Variants in FNBP1L observed in about 807,000 individuals in gnomAD.
FNBP1L encodes the protein formin-binding protein 1-like.
Under a neutral mutation model 91.2 loss-of-function variants are expected in FNBP1L, and 36 were observed. The observed-to-expected ratio is 0.39, with a 90% CI of 0.30 to 0.52. The LOEUF is 0.52. FNBP1L is among the 20% of genes least tolerant of loss of function. The pLI, the probability that FNBP1L is intolerant of heterozygous loss-of-function variation, is 0.66. For missense variants in FNBP1L, 571 were observed against 732.1 expected (o/e 0.78, Z 2.54); for synonymous variants, 242 against 237.0 (o/e 1.02, Z -0.19).
intron 2 of FNBP1L, among the ~76,000 whole-genome samples, chr1:93,501,958 GT>G (rs768409472): frequency 7.0e-4 from 106 of 151,836 alleles, no homozygotes; most frequent in Non-Finnish European, 1.3e-3. Context: ...AAAAAAAAAA[GT>G]TTCTGGTTGT....
chr1:93,488,186 T>G (rs1669971511), intron 1 of FNBP1L: 1 of 152,256 alleles, frequency 6.6e-6, no homozygotes. Flanking sequence ...GCTTTTACTC[T>G]GGACCAAACT....
intron 2 of FNBP1L, among the ~76,000 whole-genome samples, chr1:93,513,380 A>G (rs1266917572): frequency 1.3e-5 from 2 of 151,980 alleles, no homozygotes; most frequent in South Asian, 4.2e-4. Flanking sequence ...AACTATTCCA[A>G]TCAATAGAAA....
In FNBP1L at chr1:93,551,112, T is replaced by TTGAAGG; in HGVS notation, c.1810+7_1810+8insTGAAGG. 1 of 1,601,504 alleles carries TTGAAGG rather than the reference T, an allele frequency of 6.2e-7. No individual in the cohort carries two copies. Among genetic ancestry groups the TTGAAGG allele is most frequent in the Non-Finnish European group, 8.5e-7 (1 of 1,173,244 alleles). Reference sequence around the variant, plus strand: ...CTAGAGAAAAACAGTAAAGGTGCAGTAACTTATATCTAAACTAACCAGGCA... The same window carrying TTGAAGG: ...CTAGAGAAAAACAGTAAAGGTGCAGTTGAAGGAACTTATATCTAAACTAACCAGGCA... On this transcript the variant is annotated splice_region_variant and intron_variant, in intron 16 of 16. Transcript: ENST00000271234.
At chr1:93,551,913 T>C in intron 16 of FNBP1L, 1 of 985,674 alleles carries the variant, frequency 1.0e-6, no homozygotes. Flanking sequence ...TATTTAGCAT[T>C]TAGCAGTTAC....
chr1:93,531,619 T>C (rs562798112), intron 7 of FNBP1L, among the ~76,000 whole-genome samples: 33 of 152,164 alleles, frequency 2.2e-4, no homozygotes, highest in African/African-American at 7.7e-4. Context: ...CAGTGAGAGA[T>C]AATGAACTGG....
chr1:93,458,539 A>G (rs1397868087), intron 1 of FNBP1L, among the ~76,000 whole-genome samples: 6 of 152,260 alleles, frequency 3.9e-5, no homozygotes, highest in Non-Finnish European at 1.5e-5. Context: ...AGAAGAAAAT[A>G]TAGTTCCATG....
intron 2 of FNBP1L, among the ~76,000 whole-genome samples, chr1:93,500,438 A>G (rs528533781): frequency 7.9e-4 from 121 of 152,208 alleles, no homozygotes; most frequent in African/African-American, 2.6e-3. Context: ...GGTCTTCTCT[A>G]TTGTACCTTT....
intron 1 of FNBP1L, among the ~76,000 whole-genome samples, chr1:93,496,992 G>A (rs967827257): frequency 3.3e-5 from 5 of 151,966 alleles, no homozygotes; most frequent in South Asian, 2.1e-4. Context: ...ACAGAGTCTC[G>A]CTCTGTCACC....
At chr1:93,494,919 C>T (rs762881394) in intron 1 of FNBP1L, among the ~76,000 whole-genome samples, 1 of 152,156 alleles carries the variant, frequency 6.6e-6, no homozygotes, top group African/African-American at 2.4e-5. Flanking sequence ...ACCATCAGAT[C>T]TCATGAGACT....
At chr1:93,488,859 T>TA (rs1466152263) in intron 1 of FNBP1L, among the ~76,000 whole-genome samples, 1 of 152,150 alleles carries the variant, frequency 6.6e-6, no homozygotes, top group African/African-American at 2.4e-5. Context: ...GGTATTGTGG[T>TA]AAAAAATAGA....
intron 11 of FNBP1L, chr1:93,543,694 T>C (rs577782379): frequency 6.6e-6 from 1 of 152,510 alleles, no homozygotes; most frequent in African/African-American, 2.4e-5. Flanking sequence ...GGAAATGTTG[T>C]GATATGTTAT....
chr1:93,481,265 AGT>A (rs1218589691), intron 1 of FNBP1L, among the ~76,000 whole-genome samples: 1 of 152,180 alleles, frequency 6.6e-6, no homozygotes, highest in Non-Finnish European at 1.5e-5. Context: ...TAAGGCTAAA[AGT>A]GTGAGGCAGC....
chr1:93,475,261 T>C (rs1669451851), intron 1 of FNBP1L, among the ~76,000 whole-genome samples: 1 of 152,096 alleles, frequency 6.6e-6, no homozygotes, highest in Non-Finnish European at 1.5e-5. Context: ...AATTTTATTA[T>C]TTAAAATACA....
At chr1:93,508,233 C>G (rs1670701562) in intron 2 of FNBP1L, among the ~76,000 whole-genome samples, 1 of 151,814 alleles carries the variant, frequency 6.6e-6, no homozygotes, top group Admixed American at 6.6e-5. Context: ...GCCTGCAGTC[C>G]CAGCTACCTG....
intron 1 of FNBP1L, among the ~76,000 whole-genome samples, chr1:93,448,730 G>C (rs542831278): frequency 6.6e-6 from 1 of 152,268 alleles, no homozygotes; most frequent in Non-Finnish European, 1.5e-5. Flanking sequence ...GGCGCTGTTC[G>C]AGGGCGGGGA....
At chr1:93,485,290 G>T (rs1019441071) in intron 1 of FNBP1L, among the ~76,000 whole-genome samples, 1 of 152,058 alleles carries the variant, frequency 6.6e-6, no homozygotes, top group Non-Finnish European at 1.5e-5. Flanking sequence ...CAACAGATAT[G>T]CTCTGATAGT....
At chr1:93,542,088 C>G (rs60625911) in intron 11 of FNBP1L, among the ~76,000 whole-genome samples, 1 of 151,788 alleles carries the variant, frequency 6.6e-6, no homozygotes, top group African/African-American at 2.4e-5. Flanking sequence ...TTTTAAAAAT[C>G]TAAATTAAGA....
chr1:93,547,134 G>T (rs1185294173), intron 13 of FNBP1L, among the ~76,000 whole-genome samples, 160 bp downstream of exon 13: 3 of 152,136 alleles, frequency 2.0e-5, no homozygotes, highest in Non-Finnish European at 4.4e-5. Flanking sequence ...TCTCATTAAA[G>T]TTTTTTATTT....
rs759267130 is a variant in FNBP1L at position 93,533,087 on chromosome 1, T to C, written c.786+19T>C. ...AAGAAGAGTAAGTGCTAAATAATTA[T>C]CTTTGAATGCATCTGTTTGGTTTAG... On this transcript the variant is annotated intron_variant, in intron 8 of 16. Coordinates refer to ENST00000271234, the MANE Select transcript of FNBP1L (RefSeq NM_001164473.3). 1.9e-6 allele frequency: 3 copies of C among 1,604,972 alleles called. No individual in the cohort carries two copies. Among genetic ancestry groups the C allele is most frequent in the East Asian group, 2.2e-5 (1 of 44,550 alleles).
Sources: gnomAD v4.1 joint callset for allele counts (sites outside exome capture counted in the v4.1 genomes callset) on GRCh38, gnomAD v4.1.1 for gene constraint, MANE v1.5 for transcripts, NCBI Gene and HGNC (gene_info 2026-07-23, HGNC 2026-07-21) for gene names.